Variants in CADM2 observed in about 807,000 individuals in gnomAD.
CADM2 encodes cell adhesion molecule 2.
A neutral mutation model predicts 49.8 loss-of-function variants in CADM2; 12 were observed. The ratio of observed to expected loss-of-function variants is 0.24; its 90% CI spans 0.15 to 0.39. The LOEUF (loss-of-function observed/expected upper bound fraction) is 0.39. CADM2 is among the 10% of genes least tolerant of loss of function. The pLI, the probability that CADM2 is intolerant of heterozygous loss-of-function variation, is 1.00. For missense variants in CADM2, 378 were observed against 492.3 expected (o/e 0.77, Z 2.20); for synonymous variants, 214 against 175.4 (o/e 1.22, Z -1.74).
chr3:85,996,632 CATAG>C (rs1024086090), intron 8 of CADM2, among the ~76,000 whole-genome samples: 3 of 152,002 alleles, frequency 2.0e-5, no homozygotes, highest in African/African-American at 7.2e-5. Context: ...TTTAATAATA[CATAG>C]ATAATACATT....
chr3:85,065,248 T>A (rs1195178874), intron 1 of CADM2, among the ~76,000 whole-genome samples: 1 of 152,122 alleles, frequency 6.6e-6, no homozygotes, highest in Non-Finnish European at 1.5e-5. Context: ...TATAATCTAC[T>A]AAATAGAATC....
At chr3:85,541,680 G>C (rs1248855826) in intron 1 of CADM2, among the ~76,000 whole-genome samples, 5 of 144,280 alleles carry the variant, frequency 3.5e-5, no homozygotes, top group African/African-American at 1.3e-4. Context: ...TCTGAATCTT[G>C]AATTGTTGAG....
At chr3:85,308,782 A>T (rs1227920852) in intron 1 of CADM2, among the ~76,000 whole-genome samples, 1 of 152,038 alleles carries the variant, frequency 6.6e-6, no homozygotes, top group African/African-American at 2.4e-5. Flanking sequence ...TTTTCTCAGT[A>T]ATTTGATTCA....
chr3:85,804,454 A>G (rs2072272538), intron 3 of CADM2, among the ~76,000 whole-genome samples: 1 of 152,174 alleles, frequency 6.6e-6, no homozygotes, highest in Admixed American at 6.6e-5. Context: ...CAGCAACTAT[A>G]AACTTTTATA....
At chr3:85,419,405 C>A (rs1451610547) in intron 1 of CADM2, among the ~76,000 whole-genome samples, 1 of 151,286 alleles carries the variant, frequency 6.6e-6, no homozygotes, top group African/African-American at 2.4e-5. Context: ...TTGCAGTGAG[C>A]GGAGATCGCG....
chr3:85,181,178 C>T (rs765134868), intron 1 of CADM2, among the ~76,000 whole-genome samples: 12 of 151,976 alleles, frequency 7.9e-5, no homozygotes, highest in Non-Finnish European at 1.3e-4. Flanking sequence ...AGCATGCATA[C>T]AAATAAGCAT....
At chr3:86,009,967 G>A (rs756609191) in intron 8 of CADM2, among the ~76,000 whole-genome samples, 6 of 151,650 alleles carry the variant, frequency 4.0e-5, no homozygotes, top group Non-Finnish European at 7.4e-5. Flanking sequence ...CCTAAATGAC[G>A]CCTTTTTTAC....
chr3:85,522,010 T>C (rs2061036089), intron 1 of CADM2, among the ~76,000 whole-genome samples: 1 of 152,172 alleles, frequency 6.6e-6, no homozygotes. Flanking sequence ...GGAATGCTTA[T>C]GGGTTTGGGG....
intron 1 of CADM2, among the ~76,000 whole-genome samples, chr3:85,678,376 T>C (rs2065943363): frequency 6.6e-6 from 1 of 152,146 alleles, no homozygotes; most frequent in African/African-American, 2.4e-5. Context: ...GTCTAGAAAT[T>C]GTTAGAATCC....
At chr3:85,959,659 G>C (rs1031812740) in intron 7 of CADM2, among the ~76,000 whole-genome samples, 1 of 151,866 alleles carries the variant, frequency 6.6e-6, no homozygotes, top group East Asian at 1.9e-4. Flanking sequence ...ATATAGGATA[G>C]TGGTCTCAAA....
chr3:85,575,142 A>G (rs2062593948), intron 1 of CADM2, among the ~76,000 whole-genome samples: 1 of 152,192 alleles, frequency 6.6e-6, no homozygotes, highest in South Asian at 2.1e-4. Flanking sequence ...CTACCATATC[A>G]ATGAGACTAC....
intron 1 of CADM2, among the ~76,000 whole-genome samples, chr3:85,463,646 C>A (rs2038356236): frequency 6.6e-6 from 1 of 152,036 alleles, no homozygotes; most frequent in Non-Finnish European, 1.5e-5. Flanking sequence ...CCATGTTCAA[C>A]CCTGAAGGCT....
intron 2 of CADM2, among the ~76,000 whole-genome samples, chr3:85,756,749 CTT>C (rs1260840202): frequency 6.6e-6 from 1 of 152,012 alleles, no homozygotes; most frequent in Non-Finnish European, 1.5e-5. Context: ...ACTTTTTAGT[CTT>C]TTTAATCCAA....
chr3:85,887,163 C>T (rs2108404248), intron 5 of CADM2, among the ~76,000 whole-genome samples: 1 of 150,910 alleles, frequency 6.6e-6, no homozygotes, highest in African/African-American at 2.4e-5. Flanking sequence ...TCATAGCTCA[C>T]TGTACCTCGC....
intron 1 of CADM2, among the ~76,000 whole-genome samples, chr3:85,707,182 G>T (rs1480133879): frequency 1.3e-5 from 2 of 151,754 alleles, no homozygotes; most frequent in African/African-American, 4.8e-5. Context: ...TATTATCTAT[G>T]ATTCTTTACC....
rs761507052 is a variant in CADM2 at position 85,319,555 on chromosome 3, A to T, written c.61+359887A>T. Among the ~76,000 whole-genome samples the T allele has an allele frequency of 5.6e-4, 85 of 152,262 alleles. 1 individual carries two copies. Among genetic ancestry groups the T allele is most frequent in the Non-Finnish European group, 2.5e-4 (17 of 68,044 alleles). On this transcript the variant is annotated intron_variant, in intron 1 of 9. Transcript: ENST00000383699. ...CAGGGAATCAACCTAAATGCCCATC[A>T]ATGGCAGATCGGATAAAGAAAATGT...
At chr3:85,937,947 A>G (rs757369644) in intron 7 of CADM2, among the ~76,000 whole-genome samples, 1 of 152,016 alleles carries the variant, frequency 6.6e-6, no homozygotes, top group South Asian at 2.1e-4. Flanking sequence ...GCTATGGTCC[A>G]CAAGTAAATA....
intron 1 of CADM2, among the ~76,000 whole-genome samples, chr3:85,487,459 C>G (rs1185218713): frequency 1.3e-5 from 2 of 151,574 alleles, no homozygotes; most frequent in African/African-American, 2.4e-5. Flanking sequence ...TGAGCCCAAA[C>G]TGCATCTGAA....
intron 1 of CADM2, among the ~76,000 whole-genome samples, chr3:84,983,394 T>G (rs908218136): frequency 2.6e-5 from 4 of 151,980 alleles, no homozygotes; most frequent in African/African-American, 9.7e-5. Flanking sequence ...CAGATTTTAT[T>G]ATTCCCGTGT....
Sources: allele counts gnomAD v4.1 joint callset (sites outside exome capture counted in the v4.1 genomes callset), GRCh38; gene constraint gnomAD v4.1.1; transcripts MANE v1.5; gene names NCBI Gene and HGNC (gene_info 2026-07-23, HGNC 2026-07-21).